Variants in CLCA1 observed in about 807,000 individuals in gnomAD.
The protein encoded by CLCA1 is calcium-activated chloride channel regulator 1.
A neutral mutation model predicts 85.6 loss-of-function variants in CLCA1; 59 were observed. That is an observed-to-expected ratio of 0.69 (90% confidence interval 0.56 to 0.86). The LOEUF is 0.86. Among genes scored for constraint, CLCA1 ranks in the 40% least tolerant of loss-of-function variants. The pLI is 0.00. For synonymous variants in CLCA1, 396 were observed against 398.3 expected (o/e 0.99, Z 0.07); for missense variants, 1,022 against 1,101.4 (o/e 0.93, Z 1.02).
intron 3 of CLCA1, among the ~76,000 whole-genome samples, chr1:86,475,923 T>C (rs1428922690): frequency 6.6e-6 from 1 of 152,092 alleles, no homozygotes; most frequent in Non-Finnish European, 1.5e-5. Flanking sequence ...TGGAGGCCAA[T>C]CTGGTGACTA....
At position 86,499,844 on chromosome 1, in the gene CLCA1, T is replaced by C. The variant is rs781359632; in HGVS notation, c.2544T>C (p.Asp848=). 11 of 1,613,470 alleles carry C rather than the reference T, an allele frequency of 6.8e-6. No homozygotes were observed. The South Asian group carries it at 1.1e-4, about 16-fold the overall frequency. Residue 848 remains aspartate, a synonymous_variant, in exon 14 of 14, where the codon GAT becomes GAC. Coordinates refer to ENST00000394711, the MANE Select transcript of CLCA1 (RefSeq NM_001285.4). ...TDLFIAIQAV[D]KVDLKSEISN... is the part of the protein sequence containing the mutation. The stretch of plus-strand genomic sequence containing the variant: ...TTTTCATTGCTATTCAGGCTGTTGA[T>C]AAGGTCGATCTGAAATCAGAAATAT...
chr1:86,478,581 T>C (rs1411180833), intron 4 of CLCA1, among the ~76,000 whole-genome samples: 3 of 152,248 alleles, frequency 2.0e-5, no homozygotes, highest in Non-Finnish European at 4.4e-5. Context: ...TTGCTTTGAC[T>C]TTTCAAACCC....
chr1:86,468,982 T>C lies in CLCA1; in HGVS notation c.11T>C (p.Phe4Ser). Reference protein sequence around the residue: MGPFKSSVFILILH... With the variant: MGPSKSSVFILILH... ...GGGAGATGTACAGCAATGGGGCCAT[T>C]TAAGAGTTCTGTGTTCATCTTGATT... Residue 4 changes from phenylalanine to serine, a missense_variant, in exon 1 of 14, where the codon TTT becomes TCT. Physicochemically the swap from Phe to Ser is radical, Grantham distance 155. Coordinates refer to ENST00000394711, the MANE Select transcript of CLCA1 (RefSeq NM_001285.4). The C allele has an allele frequency of 6.2e-7, 1 of 1,606,872 alleles. No homozygotes were observed. The highest frequency in any genetic ancestry group is 8.5e-7 in the Non-Finnish European group (1 of 1,176,536).
chr1:86,496,762 G>T (rs1167408216), intron 12 of CLCA1, among the ~76,000 whole-genome samples: 1 of 151,994 alleles, frequency 6.6e-6, no homozygotes, highest in Admixed American at 6.6e-5. Context: ...AGACAGTCTT[G>T]CTCTGTCACC....
intron 8 of CLCA1, among the ~76,000 whole-genome samples, chr1:86,490,549 G>A (rs1051805751): frequency 6.6e-6 from 1 of 152,090 alleles, no homozygotes; most frequent in Non-Finnish European, 1.5e-5. Context: ...CTAAAGCCAC[G>A]TTTGTTGGAA....
In CLCA1 at chr1:86,498,599, C is replaced by A. The variant is rs770986844; in HGVS notation, c.2141C>A (p.Pro714His). The A allele has an allele frequency of 6.2e-7, 1 of 1,613,392 alleles. No homozygotes were observed. Among genetic ancestry groups the A allele is most frequent in the East Asian group, 2.2e-5 (1 of 44,874 alleles). ...NDEIQWNPPRPEINKDDVQHK... is the reference protein window; with the variant it reads ...NDEIQWNPPRHEINKDDVQHK... Reference sequence around the variant, plus strand: ...GAAATACAATGGAATCCACCAAGACCTGAAATTAATAAGGATGATGTTCAA... The same window carrying A: ...GAAATACAATGGAATCCACCAAGACATGAAATTAATAAGGATGATGTTCAA... The change falls in exon 13 of 14, where the codon CCT (proline) becomes CAT (histidine). Residue 714 changes from proline to histidine, a missense_variant. Transcript: ENST00000394711.
chr1:86,494,092 G>T, intron 10 of CLCA1, 95 bp from the exon 11 acceptor site: 2 of 1,374,200 alleles, frequency 1.5e-6, no homozygotes, highest in Non-Finnish European at 2.0e-6. Flanking sequence ...CTTCCAACAT[G>T]CTTATATCAG....
chr1:86,475,767 G>T (rs1447020490), intron 3 of CLCA1, among the ~76,000 whole-genome samples: 1 of 152,172 alleles, frequency 6.6e-6, no homozygotes, highest in East Asian at 1.9e-4. Flanking sequence ...GGAAAAAAAG[G>T]AGTTCAGGAA....
chr1:86,478,068 A>G (rs890618969), intron 4 of CLCA1, among the ~76,000 whole-genome samples: 12 of 152,154 alleles, frequency 7.9e-5, no homozygotes, highest in African/African-American at 2.9e-4. Context: ...TATAACAGTC[A>G]GACTCTGTAC....
intron 9 of CLCA1, among the ~76,000 whole-genome samples, 194 bp from the exon 10 acceptor site, chr1:86,493,190 G>A (rs1397773455): frequency 6.6e-6 from 1 of 152,070 alleles, no homozygotes; most frequent in African/African-American, 2.4e-5. Flanking sequence ...TTTGGGTGGA[G>A]GATGGAAAAT....
chr1:86,488,947 C>A (rs1339049162), intron 7 of CLCA1, 49 bp from the exon 8 acceptor site: 1 of 1,508,858 alleles, frequency 6.6e-7, no homozygotes, highest in Admixed American at 1.9e-5. Flanking sequence ...TTCATAAACA[C>A]TTTGGCCACC....
intron 4 of CLCA1, among the ~76,000 whole-genome samples, chr1:86,481,336 G>A (rs989708017): frequency 3.3e-5 from 5 of 151,672 alleles, no homozygotes; most frequent in South Asian, 4.2e-4. Flanking sequence ...GTTGGGTTTC[G>A]CCATGTTGCC....
rs1277729333 is a variant in CLCA1, at chr1:86,485,505, C to T, written c.898C>T (p.Leu300=). 2.5e-6 allele frequency: 4 copies of T among 1,614,036 alleles called. No individual in the cohort carries two copies. The highest frequency in any genetic ancestry group is 1.3e-5 in the African/African-American group (1 of 74,924). Residue 300 remains leucine (L), a synonymous_variant, in exon 6 of 14, where the codon CTG becomes TTG. Coordinates refer to ENST00000394711, the MANE Select transcript of CLCA1 (RefSeq NM_001285.4). Reference sequence around the variant, plus strand: ...GCCACCAAATCCCACCTTCTCATTGCTGCAGATTGGACAAAGAATTGTGTG... The same window carrying T: ...GCCACCAAATCCCACCTTCTCATTGTTGCAGATTGGACAAAGAATTGTGTG... The part of the protein sequence containing the change: ...TQPPNPTFSL[L]QIGQRIVCLV...
Position 86,495,487 on chromosome 1 carries a change from C to G in CLCA1, c.1943-18C>G. Reference sequence around the variant, plus strand: ...CCTCCCCGTTACCTATTTATTAATTCCTTCATTCTTTATCAAGGTGCTGAT... The same window carrying G: ...CCTCCCCGTTACCTATTTATTAATTGCTTCATTCTTTATCAAGGTGCTGAT... On this transcript the variant is annotated intron_variant, in intron 11 of 13. Transcript: ENST00000394711. 1.3e-6 allele frequency: 2 copies of G among 1,593,766 alleles called. No individual in the cohort carries two copies. Among genetic ancestry groups the G allele is most frequent in the Non-Finnish European group, 1.7e-6 (2 of 1,164,290 alleles).
In CLCA1 at chr1:86,491,343, A is replaced by C; in HGVS notation, c.1436A>C (p.Asn479Thr). 6.2e-7 allele frequency: 1 copy of C among 1,613,424 alleles called. No homozygotes were observed. Among genetic ancestry groups the C allele is most frequent in the Non-Finnish European group, 8.5e-7 (1 of 1,179,476 alleles). ...IDAFGALSSG[N>T]GAVSQRSIQL... is the part of the protein sequence containing the mutation. The stretch of plus-strand genomic sequence containing the variant: ...GCTTTTGGGGCCCTTTCATCAGGAA[A>C]TGGAGCTGTCTCTCAGCGCTCCATC... The change falls in exon 9 of 14, where the codon AAT becomes ACT. Residue 479 changes from asparagine to threonine, a missense_variant. Physicochemically the swap from Asn to Thr is moderately conservative, Grantham distance 65 (BLOSUM62 0). Coordinates refer to ENST00000394711, the MANE Select transcript of CLCA1 (RefSeq NM_001285.4).
Position 86,491,415 on chromosome 1 carries a change from A to G in CLCA1, c.1464+44A>G, listed in dbSNP as rs1648131163. 3.1e-6 allele frequency: 4 copies of G among 1,309,350 alleles called. No homozygotes were observed. The East Asian group carries it at 9.3e-5, about 30-fold the overall frequency. 81.1% of individuals were successfully genotyped at this position (1,309,350 alleles called of 1,614,324 possible). On this transcript the variant is annotated intron_variant, in intron 9 of 13. Coordinates refer to ENST00000394711, the MANE Select transcript of CLCA1 (RefSeq NM_001285.4). ...TGGTTTTTCATATTTACACATAATCATAGCCAAGATGGAGAATTTAATGGC... is the reference window on the plus strand; with the variant it reads ...TGGTTTTTCATATTTACACATAATCGTAGCCAAGATGGAGAATTTAATGGC...
In CLCA1 at chr1:86,498,765, T is replaced by C; in HGVS notation, c.2307T>C (p.Ile769=). The change falls in exon 13 of 14, where the codon ATT becomes ATC. Residue 769 remains isoleucine (I), a synonymous_variant. Coordinates refer to ENST00000394711, the MANE Select transcript of CLCA1 (RefSeq NM_001285.4). ...LKAEIHGGSL[I]NLTWTAPGDD... is the part of the protein sequence containing the mutation. ...CGGAAATTCACGGGGGCAGTCTCAT[T>C]AATCTGACTTGGACAGCTCCTGGGG... 6.2e-7 allele frequency: 1 copy of C among 1,614,096 alleles called. No homozygotes were observed. The highest frequency in any genetic ancestry group is 8.5e-7 in the Non-Finnish European group (1 of 1,180,014).
At chr1:86,474,565 A>G (rs534909109) in intron 3 of CLCA1, among the ~76,000 whole-genome samples, 41 of 149,052 alleles carry the variant, frequency 2.8e-4, no homozygotes, top group South Asian at 1.1e-3. Flanking sequence ...AAAAAAAAAA[A>G]AGGGGGGGGA....
At chr1:86,483,941 T>C (rs1647886755) in intron 5 of CLCA1, among the ~76,000 whole-genome samples, 1 of 152,116 alleles carries the variant, frequency 6.6e-6, no homozygotes, top group Non-Finnish European at 1.5e-5. Flanking sequence ...CTTACCATCA[T>C]GGTGGAAGGC....
Sources: gnomAD v4.1 joint callset for allele counts (sites outside exome capture counted in the v4.1 genomes callset) on GRCh38, gnomAD v4.1.1 for gene constraint, MANE v1.5 for transcripts, NCBI Gene and HGNC (gene_info 2026-07-23, HGNC 2026-07-21) for gene names.